The following TRAFD1 variants were observed in gnomAD, a reference collection of about 807,000 sequenced individuals.
TRAFD1 encodes the protein TRAF-type zinc finger domain containing 1.
Under a neutral mutation model 65.3 loss-of-function variants are expected in TRAFD1, and 38 were observed. That is an observed-to-expected ratio of 0.58 (90% confidence interval 0.45 to 0.76). TRAFD1 has a LOEUF of 0.76. TRAFD1 is among the 30% of genes least tolerant of loss of function. TRAFD1 has a pLI of 0.00. For missense variants in TRAFD1, 631 were observed against 712.6 expected (o/e 0.89, Z 1.30); for synonymous variants, 223 against 257.2 (o/e 0.87, Z 1.27).
intron 1 of TRAFD1, among the ~76,000 whole-genome samples, chr12:112,128,704 G>C (rs2136967418): frequency 6.6e-6 from 1 of 152,118 alleles, no homozygotes; most frequent in Non-Finnish European, 1.5e-5. Flanking sequence ...TTAATCATGA[G>C]AAAATATCAG....
chr12:112,153,380 C>T lies in TRAFD1; in HGVS notation c.*589C>T, dbSNP rs1177656991. On this transcript the variant is annotated 3_prime_UTR_variant, in exon 12 of 12. Transcript: ENST00000412615. ...AAGCTGCTTCCTTGGCATTTGGCAT[C>T]ACTGCCTTCTGTTCCCGGGGGAGCA... 6.6e-6 allele frequency: 1 copy of T among 152,448 alleles called. No individual in the cohort carries two copies. Among genetic ancestry groups the T allele is most frequent in the African/African-American group, 2.4e-5 (1 of 41,418 alleles). The allele number at this position is 152,448 out of a possible 1,614,324, so 9.4% of individuals were successfully genotyped here. A position where few individuals can be genotyped will look rare whatever the true frequency, so the allele number is the denominator to read the frequency against.
chr12:112,148,217 C>T lies in TRAFD1; in HGVS notation c.1071C>T (p.Ser357=), dbSNP rs763261369. The change falls in exon 8 of 12, where the codon AGC becomes AGT. Residue 357 remains serine (S), a synonymous_variant. Coordinates refer to ENST00000412615, the MANE Select transcript of TRAFD1 (RefSeq NM_006700.3). ...AGTTAGACTCTTTGATGGGCCTGAG[C>T]AATTCACACCCTGTGGAGGAGAGCA... ...SNQLDSLMGL[S]NSHPVEESII... The T allele has an allele frequency of 1.2e-6, 2 of 1,614,160 alleles. No homozygotes were observed. Among genetic ancestry groups the T allele is most frequent in the Admixed American group, 1.7e-5 (1 of 60,024 alleles).
At chr12:112,141,980 T>C in intron 5 of TRAFD1, 109 bp from the exon 6 acceptor site, 1 of 1,226,614 alleles carries the variant, frequency 8.2e-7, no homozygotes, top group South Asian at 1.4e-5. Context: ...GTCATTTTTA[T>C]TCCTTCCCGG....
intron 7 of TRAFD1, among the ~76,000 whole-genome samples, chr12:112,146,992 T>TTG (rs2030266831): frequency 3.4e-5 from 4 of 117,422 alleles, no homozygotes; most frequent in African/African-American, 1.0e-4. Flanking sequence ...CTTCTGTTTT[T>TTG]TTTTTTTTTT....
intron 1 of TRAFD1, among the ~76,000 whole-genome samples, chr12:112,127,729 G>A (rs1273540259): frequency 6.6e-6 from 1 of 151,910 alleles, no homozygotes; most frequent in Admixed American, 6.6e-5. Context: ...GCAGTGGCGT[G>A]ATCTCGGCTC....
At chr12:112,135,233 G>A (rs1482733848) in intron 4 of TRAFD1, among the ~76,000 whole-genome samples, 167 bp downstream of exon 4, 2 of 152,102 alleles carry the variant, frequency 1.3e-5, no homozygotes, top group African/African-American at 2.4e-5. Context: ...TGCCAGATTC[G>A]GCTACCTGGC....
rs759901354 is a variant in TRAFD1, at chr12:112,140,914, C to T, written c.333C>T (p.Ala111=). 5 of 1,614,092 alleles carry T rather than the reference C, an allele frequency of 3.1e-6. No homozygotes were observed. In the Admixed American group the frequency reaches 8.3e-5, roughly 27 times the overall value. Residue 111 remains alanine, a synonymous_variant, in exon 5 of 12, where the codon GCC becomes GCT. Coordinates refer to ENST00000412615, the MANE Select transcript of TRAFD1 (RefSeq NM_006700.3). ...AGGAACATGAAGATTATTGTGGTGC[C>T]CGGACGGAACTATGTGGCAACTGTG... ...KLKEHEDYCG[A]RTELCGNCGR... is the part of the protein sequence containing the mutation.
intron 4 of TRAFD1, among the ~76,000 whole-genome samples, chr12:112,138,276 C>T (rs542028725): frequency 2.6e-5 from 4 of 152,030 alleles, no homozygotes; most frequent in East Asian, 1.9e-4. Context: ...GTAGGCCAGG[C>T]GCAATGACTC....
In TRAFD1 at chr12:112,148,123, C is replaced by T. The variant is rs763386004; in HGVS notation, c.977C>T (p.Ser326Phe). The T allele has an allele frequency of 2.7e-5, 43 of 1,614,076 alleles. 1 individual carries two copies. Among genetic ancestry groups the T allele is most frequent in the Middle Eastern group, 3.3e-4 (2 of 6,084 alleles). Residue 326 changes from serine (S) to phenylalanine (F), a missense_variant, in exon 8 of 12, where the codon TCT (serine) becomes TTT (phenylalanine). Coordinates refer to ENST00000412615, the MANE Select transcript of TRAFD1 (RefSeq NM_006700.3). ...TTACCTTCACTCAATACTGGCAGCT[C>T]TTCCCCCAGAGGGGTGGAGGAACCT... ...RALPSLNTGS[S>F]SPRGVEEPDV...
chr12:112,140,146 C>A (rs544516017), intron 4 of TRAFD1: 47 of 339,050 alleles, frequency 1.4e-4, no homozygotes, highest in African/African-American at 9.6e-4. Context: ...GGAGGCCGGG[C>A]GTGGTGGCTC....
chr12:112,138,571 A>G (rs2029986117), intron 4 of TRAFD1, among the ~76,000 whole-genome samples: 1 of 151,354 alleles, frequency 6.6e-6, no homozygotes, highest in Non-Finnish European at 1.5e-5. Context: ...AACAAAAACA[A>G]AAAATGCTGG....
At chr12:112,132,792 T>C (rs1048765286) in intron 2 of TRAFD1, among the ~76,000 whole-genome samples, 6 of 152,226 alleles carry the variant, frequency 3.9e-5, no homozygotes, top group African/African-American at 1.4e-4. Flanking sequence ...TGTCTGAATA[T>C]TAAAGGTTAT....
At chr12:112,150,384 G>C (rs963087349) in intron 9 of TRAFD1, among the ~76,000 whole-genome samples, 5 of 151,556 alleles carry the variant, frequency 3.3e-5, no homozygotes, top group African/African-American at 1.2e-4. Context: ...CAAGTAGCTG[G>C]AACTACAGGC....
chr12:112,146,390 G>T lies in TRAFD1; in HGVS notation c.927+728G>T, dbSNP rs1032521276. Among the ~76,000 whole-genome samples, 7 of 151,958 alleles carry T rather than the reference G, an allele frequency of 4.6e-5. 1 individual carries two copies. The South Asian group carries it at 6.2e-4, about 14-fold the overall frequency. ...AAAAAAAAAGGGGGGGGCAGGGAATGATGCTCATTTCAGCAGACCTGGAAA... is the reference window on the plus strand; with the variant it reads ...AAAAAAAAAGGGGGGGGCAGGGAATTATGCTCATTTCAGCAGACCTGGAAA... On this transcript the variant is annotated intron_variant, in intron 7 of 11. Transcript: ENST00000412615.
At chr12:112,143,463 G>A (rs942762392) in intron 6 of TRAFD1, among the ~76,000 whole-genome samples, 3 of 148,896 alleles carry the variant, frequency 2.0e-5, no homozygotes, top group African/African-American at 4.9e-5. Context: ...GATGTCAGGT[G>A]ATCCACCTGC....
chr12:112,141,454 C>A, intron 5 of TRAFD1: 1 of 550,986 alleles, frequency 1.8e-6, no homozygotes, highest in Non-Finnish European at 3.1e-6. Flanking sequence ...AACACTTATA[C>A]AGATTGAGTA....
intron 1 of TRAFD1, among the ~76,000 whole-genome samples, chr12:112,127,260 C>T (rs1208715933): frequency 1.3e-5 from 2 of 152,190 alleles, no homozygotes; most frequent in Non-Finnish European, 2.9e-5. Flanking sequence ...AAGTTCTTCC[C>T]TGACCACTCT....
chr12:112,142,260 C>G lies in TRAFD1; in HGVS notation c.815C>G (p.Ser272Cys). ...FWRAVCEADQ[S>C]HGGPRSLSDI... ...AGGGCCGTATGTGAGGCCGACCAGT[C>G]TCATGGCGGTCCCAGGTCTCTCAGT... The change falls in exon 6 of 12, where the codon TCT (serine) becomes TGT (cysteine). Residue 272 changes from serine (S) to cysteine (C), a missense_variant. Coordinates refer to ENST00000412615, the MANE Select transcript of TRAFD1 (RefSeq NM_006700.3). The G allele has an allele frequency of 6.2e-7, 1 of 1,613,806 alleles. No individual in the cohort carries two copies. The highest frequency in any genetic ancestry group is 1.1e-5 in the South Asian group (1 of 91,058).
Position 112,141,164 on chromosome 12 carries a change from C to T in TRAFD1, c.583C>T (p.His195Tyr). Residue 195 changes from histidine to tyrosine, a missense_variant, in exon 5 of 12, where the codon CAC becomes TAC. By Grantham distance (83) the His-to-Tyr change is moderately conservative. Transcript: ENST00000412615. Reference protein sequence around the residue: ...PLRAFESDVFHNRTTNQRNIT... With the variant: ...PLRAFESDVFYNRTTNQRNIT... Reference sequence around the variant, plus strand: ...GAGAGCCTTTGAATCAGATGTTTTCCACAATAGAACTACCAACCAAAGGAA... The same window carrying T: ...GAGAGCCTTTGAATCAGATGTTTTCTACAATAGAACTACCAACCAAAGGAA... 2 of 1,614,180 alleles carry T rather than the reference C, an allele frequency of 1.2e-6. No homozygotes were observed. Among genetic ancestry groups the T allele is most frequent in the Non-Finnish European group, 8.5e-7 (1 of 1,180,034 alleles).
Sources: allele counts gnomAD v4.1 joint callset (sites outside exome capture counted in the v4.1 genomes callset), GRCh38; gene constraint gnomAD v4.1.1; transcripts MANE v1.5; gene names NCBI Gene and HGNC (gene_info 2026-07-23, HGNC 2026-07-21).